Variants in METTL25B observed in about 807,000 individuals in gnomAD.
METTL25B encodes methyltransferase-like protein 25B.
METTL25B carries 38 observed loss-of-function variants against 48.4 expected under a neutral mutation model. That is an observed-to-expected ratio of 0.78 (90% CI 0.61 to 1.03). The LOEUF is 1.03. Among genes scored for constraint, METTL25B ranks in the 50% least tolerant of loss-of-function variants. The pLI is 0.00. For missense variants in METTL25B, 537 were observed against 603.7 expected (o/e 0.89, Z 1.16); for synonymous variants, 230 against 254.5 (o/e 0.90, Z 0.92).
Position 156,734,156 on chromosome 1 carries a change from G to A in METTL25B, c.784G>A (p.Asp262Asn), listed in dbSNP as rs889209689. The A allele has an allele frequency of 3.2e-5, 51 of 1,614,092 alleles. No homozygotes were observed. The highest frequency in any genetic ancestry group is 4.0e-5 in the African/African-American group (3 of 74,950). Residue 262 changes from aspartate to asparagine, a missense_variant, in exon 6 of 8, where the codon GAT becomes AAT. Physicochemically the swap from Asp to Asn is conservative, Grantham distance 23 (BLOSUM62 1). Transcript: ENST00000368216. ...GCTCACAGGCCTCCACGCCTGTGGGGATCTGAGTGTTGCCTTGCTGAGACA... is the reference window on the plus strand; with the variant it reads ...GCTCACAGGCCTCCACGCCTGTGGGAATCTGAGTGTTGCCTTGCTGAGACA... The part of the protein sequence containing the change: ...LLLTGLHACG[D>N]LSVALLRHFS...
At chr1:156,733,775 C>A in intron 5 of METTL25B, 1 of 660,204 alleles carries the variant, frequency 1.5e-6, no homozygotes, top group Non-Finnish European at 2.5e-6. Context: ...AGGTTTTAGA[C>A]TTGTTACAAA....
Position 156,729,122 on chromosome 1 carries a change from C to T in METTL25B, c.18C>T (p.Ala6=). 6.2e-7 allele frequency: 1 copy of T among 1,608,722 alleles called. No homozygotes were observed. The highest frequency in any genetic ancestry group is 8.5e-7 in the Non-Finnish European group (1 of 1,178,250). Residue 6 remains alanine, a synonymous_variant, in exon 1 of 8, where the codon GCC becomes GCT. Coordinates refer to ENST00000368216, the MANE Select transcript of METTL25B (RefSeq NM_015997.4). MPGIS[A]RGLSHEGRKQ... ...ACCCCGGGATGCCGGGCATCTCCGC[C>T]CGAGGCCTCTCTCATGAGGGGAGGA...
chr1:156,732,473 G>A lies in METTL25B; in HGVS notation c.429G>A (p.Glu143=), dbSNP rs769547021. 17 of 1,612,982 alleles carry A rather than the reference G, an allele frequency of 1.1e-5. No homozygotes were observed. The highest frequency in any genetic ancestry group is 1.3e-5 in the African/African-American group (1 of 74,928). ...AGCATGAGATCCGGAGGCTGGGAGA[G>A]GTGAGGAGATGGCTGGAGCATGGGT... ...KKQHEIRRLG[E]LVKKLSDFTG... The change falls in exon 3 of 8, where the codon GAG becomes GAA. Residue 143 remains glutamate, a splice_region_variant and synonymous_variant. Transcript: ENST00000368216.
At position 156,736,413 on chromosome 1, in the gene METTL25B, T is replaced by C; in HGVS notation, c.1307-219T>C. The stretch of plus-strand genomic sequence containing the variant: ...CTCTGGTGAACCTCTCTAAGGTGCA[T>C]GTTAAGCAAGCTTCCCAGGCATCGA... On this transcript the variant is annotated intron_variant, in intron 7 of 7. Transcript: ENST00000368216. The C allele has an allele frequency of 5.6e-6, 3 of 533,236 alleles. No homozygotes were observed. The South Asian group carries it at 7.7e-5, about 14-fold the overall frequency. The allele number at this position is 533,236 out of a possible 1,614,324, so 33.0% of individuals were successfully genotyped here.
At position 156,728,700 on chromosome 1, in the gene METTL25B, C is replaced by A; in HGVS notation, c.-405C>A. 1.0e-6 allele frequency: 1 copy of A among 991,574 alleles called. No individual in the cohort carries two copies. The highest frequency in any genetic ancestry group is 1.7e-5 in the African/African-American group (1 of 57,504). The allele number at this position is 991,574 out of a possible 1,614,324, so 61.4% of individuals were successfully genotyped here. A position where few individuals can be genotyped will look rare whatever the true frequency, so the allele number is the denominator to read the frequency against. Reference sequence around the variant, plus strand: ...GTACAACGCGAAGGTGTGGGAAGGCCGCGATAAACCGGAACTGCAGCCCGC... The same window carrying A: ...GTACAACGCGAAGGTGTGGGAAGGCAGCGATAAACCGGAACTGCAGCCCGC... On this transcript the variant is annotated 5_prime_UTR_variant, in exon 1 of 8. Transcript: ENST00000368216.
At chr1:156,729,376 T>G in intron 1 of METTL25B, 161 bp downstream of exon 1, 1 of 511,084 alleles carries the variant, frequency 2.0e-6, no homozygotes, top group South Asian at 2.8e-5. Flanking sequence ...TGATCCCTCC[T>G]TTTTTTTCAG....
Position 156,736,816 on chromosome 1 carries a change from A to G in METTL25B, c.*63A>G. The G allele has an allele frequency of 6.6e-7, 1 of 1,520,012 alleles. No homozygotes were observed. The highest frequency in any genetic ancestry group is 8.9e-7 in the Non-Finnish European group (1 of 1,124,340). The allele number at this position is 1,520,012 out of a possible 1,614,324, so 94.2% of individuals were successfully genotyped here. ...AAGTGCCCAGAGAGCACAGTGGCAG[A>G]GTACATCTCATCCAGAGAAACAGCA... On this transcript the variant is annotated 3_prime_UTR_variant, in exon 8 of 8. Coordinates refer to ENST00000368216, the MANE Select transcript of METTL25B (RefSeq NM_015997.4).
rs376821452 is a variant in METTL25B, at chr1:156,728,556, C to T, written c.-549C>T. 399 of 985,684 alleles carry T rather than the reference C, an allele frequency of 4.0e-4. 2 individuals carry two copies. The African/African-American group carries it at 6.2e-3, about 15-fold the overall frequency. The allele number at this position is 985,684 out of a possible 1,614,324, so 61.1% of individuals were successfully genotyped here. A position where few individuals can be genotyped will look rare whatever the true frequency, so the allele number is the denominator to read the frequency against. On this transcript the variant is annotated 5_prime_UTR_variant, in exon 1 of 8. Transcript: ENST00000368216. ...CGCGCACACCCGCACCGCCCCGACC[C>T]CAGGTAGTGAGGCCAGTGATTCCGA...
intron 1 of METTL25B, among the ~76,000 whole-genome samples, chr1:156,730,776 G>C (rs1649217441): frequency 6.6e-6 from 1 of 152,160 alleles, no homozygotes; most frequent in African/African-American, 2.4e-5. Context: ...GCTAGCTTTT[G>C]GACGTGGGCA....
Position 156,732,832 on chromosome 1 carries a change from C to G in METTL25B, c.430-153C>G, listed in dbSNP as rs561618435. ...CCACTCTCCTTGCTTCCACCCTCACCCTTATATCTTTCTTTCCAAATCTGT... is the reference window on the plus strand; with the variant it reads ...CCACTCTCCTTGCTTCCACCCTCACGCTTATATCTTTCTTTCCAAATCTGT... On this transcript the variant is annotated intron_variant, in intron 3 of 7. Coordinates refer to ENST00000368216, the MANE Select transcript of METTL25B (RefSeq NM_015997.4). Among the ~76,000 whole-genome samples, 5 of 152,148 alleles carry G rather than the reference C, an allele frequency of 3.3e-5. No individual in the cohort carries two copies. In the East Asian group the frequency reaches 9.7e-4, roughly 30 times the overall value.
At chr1:156,733,626 G>C in intron 5 of METTL25B, 106 bp downstream of exon 5, 1 of 1,224,398 alleles carries the variant, frequency 8.2e-7, no homozygotes, top group Non-Finnish European at 1.1e-6. Context: ...GCTTGAACTG[G>C]TGTGGTCCCT....
intron 1 of METTL25B, among the ~76,000 whole-genome samples, chr1:156,731,468 C>G (rs774813752): frequency 3.9e-5 from 6 of 152,174 alleles, no homozygotes; most frequent in Non-Finnish European, 8.8e-5. Flanking sequence ...GAGCCAGAAT[C>G]TTGTCTCAGG....
rs528055334 is a variant in METTL25B at position 156,733,516 on chromosome 1, C to A, written c.632C>A (p.Pro211Gln). 8 of 1,613,572 alleles carry A rather than the reference C, an allele frequency of 5.0e-6. No individual in the cohort carries two copies. The South Asian group carries it at 8.8e-5, about 18-fold the overall frequency. Residue 211 changes from proline to glutamine, a missense_variant, in exon 5 of 8, where the codon CCG becomes CAG. Transcript: ENST00000368216. Reference sequence around the variant, plus strand: ...CTGGAGAAAGAGGAGAAGAGGAACCCGCAGGTAGGCCAACCCTTCCTGCGA... The same window carrying A: ...CTGGAGAAAGAGGAGAAGAGGAACCAGCAGGTAGGCCAACCCTTCCTGCGA... ...QALEKEEKRN[P>Q]QVVQTSPRHS... is the part of the protein sequence containing the mutation.
At position 156,729,155 on chromosome 1, in the gene METTL25B, A is replaced by T; in HGVS notation, c.51A>T (p.Leu17=). The change falls in exon 1 of 8, where the codon CTA becomes CTT. Residue 17 remains leucine (L), a synonymous_variant. Transcript: ENST00000368216. The stretch of plus-strand genomic sequence containing the variant: ...TCTCTCATGAGGGGAGGAAGCAGCT[A>T]GCTGTTAACCTCACCCGTGTCCTGG... ...RGLSHEGRKQ[L]AVNLTRVLAL... The T allele has an allele frequency of 6.2e-7, 1 of 1,611,266 alleles. No individual in the cohort carries two copies. Among genetic ancestry groups the T allele is most frequent in the Non-Finnish European group, 8.5e-7 (1 of 1,179,052 alleles).
At chr1:156,735,268 G>A (rs530095194) in intron 6 of METTL25B, among the ~76,000 whole-genome samples, 7 of 149,618 alleles carry the variant, frequency 4.7e-5, no homozygotes, top group East Asian at 2.0e-4. Context: ...TAGCCTGGGC[G>A]ACAGAGCAAG....
At position 156,734,237 on chromosome 1, in the gene METTL25B, A is replaced by G; in HGVS notation, c.865A>G (p.Lys289Glu). 1 of 1,614,104 alleles carries G rather than the reference A, an allele frequency of 6.2e-7. No individual in the cohort carries two copies. The highest frequency in any genetic ancestry group is 2.2e-5 in the East Asian group (1 of 44,868). ...ALASVGCCYM[K>E]LSDPGGYPLS... The stretch of plus-strand genomic sequence containing the variant: ...GGCCTCAGTGGGCTGCTGCTACATG[A>G]AGCTGAGTGACCCTGGCGGCTACCC... The change falls in exon 6 of 8, where the codon AAG (lysine) becomes GAG (glutamate). Residue 289 changes from lysine (K) to glutamate (E), a missense_variant. Coordinates refer to ENST00000368216, the MANE Select transcript of METTL25B (RefSeq NM_015997.4).
chr1:156,734,062 C>A lies in METTL25B; in HGVS notation c.690C>A (p.Asp230Glu), dbSNP rs201514643. 2.2e-5 allele frequency: 36 copies of A among 1,613,720 alleles called. No individual in the cohort carries two copies. Among genetic ancestry groups the A allele is most frequent in the Non-Finnish European group, 2.5e-5 (30 of 1,179,848 alleles). ...HSPHHVVRWV[D>E]PTALCEELLL... ...CACACCACGTGGTTAGGTGGGTAGA[C>A]CCCACAGCCCTGTGTGAGGAGCTTC... The change falls in exon 6 of 8, where the codon GAC becomes GAA. Residue 230 changes from aspartate (D) to glutamate (E), a missense_variant. Asp to Glu is a conservative substitution (Grantham distance 45). Coordinates refer to ENST00000368216, the MANE Select transcript of METTL25B (RefSeq NM_015997.4).
chr1:156,734,242 G>C lies in METTL25B; in HGVS notation c.870G>C (p.Leu290=). 6.2e-7 allele frequency: 1 copy of C among 1,614,174 alleles called. No homozygotes were observed. Among genetic ancestry groups the C allele is most frequent in the South Asian group, 1.1e-5 (1 of 91,088 alleles). The part of the protein sequence containing the change: ...LASVGCCYMK[L]SDPGGYPLSQ... Reference sequence around the variant, plus strand: ...CAGTGGGCTGCTGCTACATGAAGCTGAGTGACCCTGGCGGCTACCCACTGA... The same window carrying C: ...CAGTGGGCTGCTGCTACATGAAGCTCAGTGACCCTGGCGGCTACCCACTGA... The change falls in exon 6 of 8, where the codon CTG becomes CTC. Residue 290 remains leucine (L), a synonymous_variant. Coordinates refer to ENST00000368216, the MANE Select transcript of METTL25B (RefSeq NM_015997.4).
Position 156,732,031 on chromosome 1 carries a change from C to A in METTL25B, c.152C>A (p.Ser51Ter), listed in dbSNP as rs1649335680. ...TDNLWDTLPC[S>*]WQEALDGLKP... ...AACCTATGGGACACACTCCCTTGCT[C>A]ATGGCAGGAAGCATTGGATGGACTG... Residue 51 changes from serine (S) to a stop codon, truncating the protein, a stop_gained, in exon 2 of 8, where the codon TCA (serine) becomes TAA (stop). Transcript: ENST00000368216. LOFTEE classifies it high-confidence loss of function. 1 of 1,614,182 alleles carries A rather than the reference C, an allele frequency of 6.2e-7. No individual in the cohort carries two copies. The highest frequency in any genetic ancestry group is 8.5e-7 in the Non-Finnish European group (1 of 1,180,032).
Sources: gnomAD v4.1 joint callset for allele counts (sites outside exome capture counted in the v4.1 genomes callset) on GRCh38, gnomAD v4.1.1 for gene constraint, MANE v1.5 for transcripts, NCBI Gene and HGNC (gene_info 2026-07-23, HGNC 2026-07-21) for gene names.